The following PHACTR1 variants were observed in gnomAD, a reference collection of about 807,000 sequenced individuals.
PHACTR1 encodes the protein RPEL repeat containing 1.
PHACTR1 carries 16 observed loss-of-function variants against 69.2 expected under a neutral mutation model. That is an observed-to-expected ratio of 0.23 (90% CI 0.16 to 0.35). The LOEUF is 0.35. Among genes scored for constraint, PHACTR1 ranks in the 10% least tolerant of loss-of-function variants. The pLI, the probability that PHACTR1 is intolerant of heterozygous loss-of-function variation, is 1.00. For missense variants in PHACTR1, 510 were observed against 734.7 expected (o/e 0.69, Z 3.54); for synonymous variants, 312 against 284.5 (o/e 1.10, Z -0.97).
intron 4 of PHACTR1, among the ~76,000 whole-genome samples, chr6:13,035,279 A>G (rs1803140377): frequency 6.6e-6 from 1 of 152,214 alleles, no homozygotes; most frequent in African/African-American, 2.4e-5. Flanking sequence ...ATTAAATCCT[A>G]ACAGATAAAA....
chr6:13,258,589 C>T (rs1021629487), intron 10 of PHACTR1, among the ~76,000 whole-genome samples: 4 of 152,154 alleles, frequency 2.6e-5, no homozygotes, highest in African/African-American at 9.7e-5. Flanking sequence ...GGTTTTTGTT[C>T]CCACTAGTCT....
At chr6:13,206,437 A>C (rs1276251703) in intron 8 of PHACTR1, among the ~76,000 whole-genome samples, 2 of 152,208 alleles carry the variant, frequency 1.3e-5, no homozygotes, top group African/African-American at 4.8e-5. Flanking sequence ...TGAAAATTGC[A>C]ACTTCAGTAA....
At chr6:12,991,271 G>A (rs1303402407) in intron 4 of PHACTR1, among the ~76,000 whole-genome samples, 1 of 152,182 alleles carries the variant, frequency 6.6e-6, no homozygotes, top group Non-Finnish European at 1.5e-5. Context: ...GACCCAGGGT[G>A]ACACAAATTG....
chr6:13,207,156 A>G (rs1159522413), intron 8 of PHACTR1, among the ~76,000 whole-genome samples: 1 of 152,228 alleles, frequency 6.6e-6, no homozygotes, highest in Non-Finnish European at 1.5e-5. Context: ...CATTAATAGC[A>G]TTTATTCCTG....
At chr6:13,027,287 T>G (rs1488374657) in intron 4 of PHACTR1, among the ~76,000 whole-genome samples, 2 of 152,226 alleles carry the variant, frequency 1.3e-5, no homozygotes, top group African/African-American at 4.8e-5. Flanking sequence ...TTAGCCTTAT[T>G]GCTTGTGAGA....
At chr6:12,937,707 G>A (rs182273426) in intron 4 of PHACTR1, among the ~76,000 whole-genome samples, 13 of 152,326 alleles carry the variant, frequency 8.5e-5, no homozygotes, top group Admixed American at 7.8e-4. Context: ...AGGGTGCTGA[G>A]TAGCAATCTG....
chr6:12,948,970 A>G (rs987721025), intron 4 of PHACTR1, among the ~76,000 whole-genome samples: 1 of 152,190 alleles, frequency 6.6e-6, no homozygotes, highest in African/African-American at 2.4e-5. Context: ...ACATTGGGGT[A>G]CAAAGAAATA....
intron 5 of PHACTR1, among the ~76,000 whole-genome samples, chr6:13,066,107 A>C (rs1808583038): frequency 6.6e-6 from 1 of 152,210 alleles, no homozygotes; most frequent in Non-Finnish European, 1.5e-5. Context: ...GGTACAGACT[A>C]AAGACTATGG....
At chr6:13,216,202 A>G (rs1468250284) in intron 8 of PHACTR1, among the ~76,000 whole-genome samples, 1 of 152,214 alleles carries the variant, frequency 6.6e-6, no homozygotes, top group Non-Finnish European at 1.5e-5. Context: ...AAAGAGCACA[A>G]TACAATTTAT....
At chr6:12,954,894 C>G (rs990583979) in intron 4 of PHACTR1, among the ~76,000 whole-genome samples, 1 of 152,130 alleles carries the variant, frequency 6.6e-6, no homozygotes, top group East Asian at 1.9e-4. Flanking sequence ...CATATATAAT[C>G]CAGGGCTTGG....
At chr6:12,970,576 T>A (rs1316486735) in intron 4 of PHACTR1, among the ~76,000 whole-genome samples, 2 of 152,082 alleles carry the variant, frequency 1.3e-5, no homozygotes, top group Non-Finnish European at 2.9e-5. Flanking sequence ...CTGGCCAACA[T>A]GAAACCCTGT....
chr6:12,958,115 G>T, intron 4 of PHACTR1: 4 of 838,408 alleles, frequency 4.8e-6, no homozygotes, highest in Non-Finnish European at 5.7e-6. Flanking sequence ...TTTATGCTTT[G>T]TTCGGTTTAG....
At chr6:13,054,810 C>G (rs967535265) in intron 5 of PHACTR1, among the ~76,000 whole-genome samples, 6 of 152,276 alleles carry the variant, frequency 3.9e-5, no homozygotes, top group African/African-American at 1.4e-4. Context: ...GTCCATGGCA[C>G]TTTGTTTTGA....
intron 3 of PHACTR1, among the ~76,000 whole-genome samples, chr6:12,742,692 G>T (rs994496566): frequency 6.6e-6 from 1 of 151,978 alleles, no homozygotes; most frequent in Admixed American, 6.6e-5. Flanking sequence ...AATCCTAAGG[G>T]TTATAGAAAG....
chr6:12,874,304 C>T (rs1310052528), intron 4 of PHACTR1, among the ~76,000 whole-genome samples: 1 of 152,124 alleles, frequency 6.6e-6, no homozygotes, highest in African/African-American at 2.4e-5. Flanking sequence ...TCCAGAATAG[C>T]AATCCAGTAA....
chr6:13,235,745 A>G (rs1175179694), intron 10 of PHACTR1, among the ~76,000 whole-genome samples: 1 of 152,202 alleles, frequency 6.6e-6, no homozygotes, highest in African/African-American at 2.4e-5. Context: ...AGACTCCAAA[A>G]CATGACCTAT....
At chr6:12,814,905 C>T (rs1775413990) in intron 4 of PHACTR1, among the ~76,000 whole-genome samples, 1 of 152,150 alleles carries the variant, frequency 6.6e-6, no homozygotes, top group South Asian at 2.1e-4. Context: ...AAGTCTGTCT[C>T]AAAACACAAC....
intron 10 of PHACTR1, among the ~76,000 whole-genome samples, chr6:13,263,238 G>GTTTTTTT (rs57164668): frequency 6.4e-4 from 54 of 84,242 alleles, no homozygotes; most frequent in Middle Eastern, 0.014. Flanking sequence ...GGCTTTTAGT[G>GTTTTTTT]TTTTTTTTTT....
At chr6:13,207,141 G>A (rs9473689) in intron 8 of PHACTR1, among the ~76,000 whole-genome samples, 4,690 of 152,262 alleles carry the variant, frequency 0.031, 233 homozygotes, top group African/African-American at 0.1. Flanking sequence ...AAATGTATAC[G>A]TAGTCATTAA....
Sources: gnomAD v4.1 joint callset for allele counts (sites outside exome capture counted in the v4.1 genomes callset) on GRCh38, gnomAD v4.1.1 for gene constraint, MANE v1.5 for transcripts, NCBI Gene and HGNC (gene_info 2026-07-23, HGNC 2026-07-21) for gene names.